The following DAB2IP variants were observed in gnomAD, a reference collection of about 807,000 sequenced individuals.
DAB2IP encodes the protein DAB2 interacting protein.
DAB2IP carries 28 observed loss-of-function variants against 107.2 expected under a neutral mutation model. The ratio of observed to expected loss-of-function variants is 0.26; its 90% confidence interval spans 0.19 to 0.36. The LOEUF (loss-of-function observed/expected upper bound fraction) is 0.36, where lower values mean the gene tolerates loss of function less well. Ranked by LOEUF, DAB2IP falls within the 10% of genes least tolerant of loss-of-function variation. DAB2IP has a pLI of 1.00. For synonymous variants in DAB2IP, 755 were observed against 706.4 expected, an observed-to-expected ratio of 1.07 and a Z score of -1.09; for missense variants, 1,400 against 1,644.7, an observed-to-expected ratio of 0.85 and a Z score of 2.57.
At chr9:121,672,938 CA>C (rs2119121147) in intron 1 of DAB2IP, among the ~76,000 whole-genome samples, 1 of 152,326 alleles carries the variant, frequency 6.6e-6, no homozygotes, top group East Asian at 1.9e-4. Context: ...AGATTTGCTG[CA>C]AAATGAAAGG....
At chr9:121,768,475 C>T (rs1317198614) in exon 10 of DAB2IP, 1 of 1,614,224 alleles carries the variant, frequency 6.2e-7, no homozygotes, top group South Asian at 1.1e-5. Flanking sequence ...GAACCAGTTC[C>T]TAGAGCATGA....
rs1834828470 is a variant in DAB2IP, at chr9:121,772,409, T to A, written c.2079-198T>A. ...GTGCTGGCCCCTAAAGAAGAGGTTC[T>A]GTGCAGGAGCAGCCGCCTCAGCCTC... On this transcript the variant is annotated intron_variant, in intron 11 of 15. Transcript: ENST00000408936. This position sits in a 1 kb window ranked among gnomAD's most constrained non-coding sequence, Gnocchi z 4.7. 6.6e-6 allele frequency among the ~76,000 whole-genome samples: 1 copy of A among 152,142 alleles called. No homozygotes were observed.
chr9:121,759,290 G>A (rs1047464104), intron 5 of DAB2IP, among the ~76,000 whole-genome samples: 2 of 152,162 alleles, frequency 1.3e-5, no homozygotes, highest in African/African-American at 4.8e-5. Context: ...CTACTCCCCA[G>A]CCCCTGGCTG....
chr9:121,707,172 T>C (rs1490164075), intron 3 of DAB2IP, among the ~76,000 whole-genome samples: 1 of 152,228 alleles, frequency 6.6e-6, no homozygotes, highest in Non-Finnish European at 1.5e-5. Flanking sequence ...ACAGAGCACT[T>C]TGCGCCCTGT....
intron 3 of DAB2IP, among the ~76,000 whole-genome samples, chr9:121,725,775 G>A (rs1405091453): frequency 6.6e-6 from 1 of 152,180 alleles, no homozygotes; most frequent in African/African-American, 2.4e-5. Flanking sequence ...ACTGGGCACG[G>A]GGCGGCTATG....
At chr9:121,770,779 G>GCCCATCTGTA in intron 11 of DAB2IP, 55 bp downstream of exon 11, 1 of 1,584,510 alleles carries the variant, frequency 6.3e-7, no homozygotes, top group Non-Finnish European at 8.6e-7. Context: ...ACTAGGCACA[G>GCCCATCTGTA]CCCATCTGTA....
rs1474457989 is a variant in DAB2IP at position 121,699,065 on chromosome 9, G to T, written c.229-260G>T. 6.7e-6 allele frequency among the ~76,000 whole-genome samples: 1 copy of T among 149,390 alleles called. No homozygotes were observed. Among genetic ancestry groups the T allele is most frequent in the Non-Finnish European group, 1.5e-5 (1 of 67,110 alleles). ...CGCGGTCGGCGCGGCTCGGCTCGGC[G>T]TCGCCAAGGCAACAGCGGCTTAGGG... On this transcript the variant is annotated intron_variant, in intron 2 of 15. Transcript: ENST00000408936. The surrounding 1 kb of genome is among the most constrained non-coding windows in gnomAD (Gnocchi z 6.2).
rs962185940 is a variant in DAB2IP at position 121,684,352 on chromosome 9, C to G, written c.228+5571C>G. Among the ~76,000 whole-genome samples, 3 of 152,150 alleles carry G rather than the reference C, an allele frequency of 2.0e-5. No homozygotes were observed. Among genetic ancestry groups the G allele is most frequent in the Non-Finnish European group, 4.4e-5 (3 of 68,030 alleles). Reference sequence around the variant, plus strand: ...GAGTTGAGCCCAGGTCTCTGTCCCTCTCCCCCGCATCCAGTGGTCCTCACC... The same window carrying G: ...GAGTTGAGCCCAGGTCTCTGTCCCTGTCCCCCGCATCCAGTGGTCCTCACC... On this transcript the variant is annotated intron_variant, in intron 2 of 15. Coordinates refer to ENST00000408936, the Ensembl canonical transcript of DAB2IP. This position sits in a 1 kb window ranked among gnomAD's most constrained non-coding sequence, Gnocchi z 4.0.
intron 2 of DAB2IP, among the ~76,000 whole-genome samples, chr9:121,692,904 A>G (rs1829233776): frequency 6.6e-6 from 1 of 152,204 alleles, no homozygotes; most frequent in Non-Finnish European, 1.5e-5. Context: ...GACGCATCTG[A>G]AGGATTTGGG....
chr9:121,602,912 G>A (rs572725899), intron 1 of DAB2IP, among the ~76,000 whole-genome samples: 50 of 152,290 alleles, frequency 3.3e-4, no homozygotes, highest in Middle Eastern at 3.4e-3. Flanking sequence ...GTCTTGCTAT[G>A]TTGCTCAGGA....
intron 1 of DAB2IP, among the ~76,000 whole-genome samples, chr9:121,659,643 A>T (rs1299607181): frequency 1.3e-5 from 2 of 151,916 alleles, no homozygotes; most frequent in African/African-American, 2.4e-5. Flanking sequence ...AATACAAAAA[A>T]ATTAGCCGGG....
chr9:121,600,581 G>GTT (rs1196125378), intron 1 of DAB2IP, among the ~76,000 whole-genome samples: 1 of 152,204 alleles, frequency 6.6e-6, no homozygotes, highest in Non-Finnish European at 1.5e-5. Context: ...AATTTTGATT[G>GTT]TGAGTGGGTG....
intron 3 of DAB2IP, among the ~76,000 whole-genome samples, chr9:121,734,028 C>T (rs112469583): frequency 0.012 from 1,831 of 152,340 alleles, 16 homozygotes; most frequent in Middle Eastern, 0.02. Context: ...GAAATTCCCC[C>T]AGCTACACGT....
At chr9:121,733,621 A>G (rs1831676975) in intron 3 of DAB2IP, among the ~76,000 whole-genome samples, 1 of 152,240 alleles carries the variant, frequency 6.6e-6, no homozygotes, top group Non-Finnish European at 1.5e-5. Flanking sequence ...CTGGCAGGGC[A>G]GGCAGCAGTA....
chr9:121,631,741 G>A (rs1313462411), intron 1 of DAB2IP, among the ~76,000 whole-genome samples: 10 of 151,296 alleles, frequency 6.6e-5, no homozygotes, highest in African/African-American at 2.2e-4. Context: ...GCTTGAACCC[G>A]GGAGGTGGAG....
upstream of DAB2IP, among the ~76,000 whole-genome samples, chr9:121,649,017 G>C (rs1163184736): frequency 6.6e-6 from 1 of 152,124 alleles, no homozygotes. Flanking sequence ...TACAGGGAGC[G>C]GCCTTTAACT....
At chr9:121,703,775 G>A (rs1003119709) in intron 3 of DAB2IP, among the ~76,000 whole-genome samples, 4 of 152,168 alleles carry the variant, frequency 2.6e-5, no homozygotes, top group East Asian at 1.9e-4. Context: ...AAGTCACCTC[G>A]TCTTGGTAAG....
chr9:121,774,237 C>T, intron 12 of DAB2IP, 23 bp from the exon 13 acceptor site: 3 of 1,587,984 alleles, frequency 1.9e-6, no homozygotes, highest in Non-Finnish European at 2.6e-6. Context: ...CCTGCAGCCC[C>T]TCACAGCTGT....
chr9:121,732,056 C>T (rs1831575196), intron 3 of DAB2IP, among the ~76,000 whole-genome samples: 1 of 152,132 alleles, frequency 6.6e-6, no homozygotes, highest in Non-Finnish European at 1.5e-5. Context: ...GGGGCCAGGG[C>T]TGAGGGGACT....
Sources: gnomAD v4.1 joint callset for allele counts (sites outside exome capture counted in the v4.1 genomes callset) on GRCh38, gnomAD v4.1.1 for gene constraint, Gnocchi (gnomAD v3.1) non-coding constraint, MANE v1.5 for transcripts, NCBI Gene and HGNC (gene_info 2026-07-23, HGNC 2026-07-21) for gene names.